Variants in NUS1 observed in about 807,000 individuals in gnomAD.
NUS1 encodes dehydrodolichyl diphosphate synthase complex subunit NUS1.
For missense variants in NUS1, 292 were observed against 382.9 expected (o/e 0.76, Z 1.98); for synonymous variants, 135 against 155.2 (o/e 0.87, Z 0.97).
intron 3 of NUS1, among the ~76,000 whole-genome samples, chr6:117,700,393 T>C (rs902334410): frequency 6.6e-6 from 1 of 152,226 alleles, no homozygotes; most frequent in Non-Finnish European, 1.5e-5. Flanking sequence ...GCAAAGATGC[T>C]CAATATCACT....
At chr6:117,697,593 T>C (rs1195171722) in intron 3 of NUS1, among the ~76,000 whole-genome samples, 1 of 152,048 alleles carries the variant, frequency 6.6e-6, no homozygotes, top group Admixed American at 6.5e-5. Context: ...GGGGTCATTT[T>C]AGCAAGAGGA....
rs1307653030 is a variant in NUS1, at chr6:117,687,998, T to C, written c.416-5044T>C. On this transcript the variant is annotated intron_variant, in intron 1 of 4. Transcript: ENST00000368494. ...TTGAGGCCCGAGGAGGAAGGATCACTTGAGGGCCAGGAGTTAGAGACCAGC... is the reference window on the plus strand; with the variant it reads ...TTGAGGCCCGAGGAGGAAGGATCACCTGAGGGCCAGGAGTTAGAGACCAGC... 2.0e-5 allele frequency among the ~76,000 whole-genome samples: 3 copies of C among 152,194 alleles called. No individual in the cohort carries two copies. In the East Asian group the frequency reaches 5.8e-4, roughly 29 times the overall value.
chr6:117,693,010 T>C (rs1162775486), intron 1 of NUS1, 32 bp from the exon 2 acceptor site: 1 of 1,568,160 alleles, frequency 6.4e-7, no homozygotes, highest in East Asian at 2.3e-5. Flanking sequence ...ATTAACCTAG[T>C]TGTGTTTTAC....
At chr6:117,698,685 C>G (rs573865503) in intron 3 of NUS1, among the ~76,000 whole-genome samples, 3 of 152,106 alleles carry the variant, frequency 2.0e-5, no homozygotes, top group African/African-American at 4.8e-5. Context: ...CTAGTATTAC[C>G]ATGTTACCCA....
At chr6:117,702,406 A>G (rs1391475422) in intron 3 of NUS1, among the ~76,000 whole-genome samples, 1 of 152,188 alleles carries the variant, frequency 6.6e-6, no homozygotes, top group Non-Finnish European at 1.5e-5. Flanking sequence ...TGGGGTGGGC[A>G]TTGGGAGCAG....
chr6:117,675,742 C>T lies in NUS1; in HGVS notation c.72C>T (p.Ser24=), dbSNP rs1582460992. Reference sequence around the variant, plus strand: ...TCTGTCTGCACCGCACGCTCACCTCCTGGCTCCGCGTTCGGTTCGGCACCT... The same window carrying T: ...TCTGTCTGCACCGCACGCTCACCTCTTGGCTCCGCGTTCGGTTCGGCACCT... ...ALLCLHRTLT[S]WLRVRFGTWN... The change falls in exon 1 of 5, where the codon TCC becomes TCT. Residue 24 remains serine, a synonymous_variant. Transcript: ENST00000368494. 2 of 1,545,882 alleles carry T rather than the reference C, an allele frequency of 1.3e-6. No individual in the cohort carries two copies. The highest frequency in any genetic ancestry group is 1.7e-6 in the Non-Finnish European group (2 of 1,149,774).
chr6:117,676,603 A>G (rs1772986197), intron 1 of NUS1, among the ~76,000 whole-genome samples: 1 of 152,000 alleles, frequency 6.6e-6, no homozygotes, highest in East Asian at 1.9e-4. Context: ...ATAAATAAAA[A>G]TAAATAAAAA....
chr6:117,704,321 A>G (rs551428355), intron 4 of NUS1, among the ~76,000 whole-genome samples: 9 of 152,230 alleles, frequency 5.9e-5, no homozygotes, highest in Non-Finnish European at 1.2e-4. Context: ...GGCCATAACT[A>G]TAATTTAAGG....
At chr6:117,688,868 G>GT (rs1011917718) in intron 1 of NUS1, among the ~76,000 whole-genome samples, 29 of 151,988 alleles carry the variant, frequency 1.9e-4, no homozygotes, top group African/African-American at 6.8e-4. Flanking sequence ...TAATTACTGA[G>GT]TTTTTTTGGC....
intron 3 of NUS1, among the ~76,000 whole-genome samples, chr6:117,696,117 A>G (rs559325344): frequency 1.3e-5 from 2 of 152,054 alleles, no homozygotes; most frequent in Non-Finnish European, 2.9e-5. Flanking sequence ...TCAAGCAGAA[A>G]TTCTGGAGTT....
At chr6:117,694,202 T>G in intron 3 of NUS1, 22 bp downstream of exon 3, 1 of 1,327,102 alleles carries the variant, frequency 7.5e-7, no homozygotes, top group Non-Finnish European at 1.0e-6. Context: ...TATATATATA[T>G]ACATATATAT....
intron 1 of NUS1, among the ~76,000 whole-genome samples, chr6:117,686,147 G>C (rs1448596629): frequency 6.8e-6 from 1 of 146,544 alleles, no homozygotes; most frequent in African/African-American, 2.5e-5. Flanking sequence ...TATAGTCCCA[G>C]CTACTCGAGA....
intron 3 of NUS1, among the ~76,000 whole-genome samples, chr6:117,700,430 C>G (rs528687177): frequency 3.9e-5 from 6 of 152,034 alleles, no homozygotes; most frequent in Non-Finnish European, 8.8e-5. Context: ...CAAATTAGAC[C>G]TACAATAACA....
rs1345323594 is a variant in NUS1 at position 117,708,651 on chromosome 6, T to TG, written c.*1636_*1637insG. ...ATTATACGTTGTACGACTTTTTTTT[T>TG]TTGTTTTAATTTATTACTGAGAGTT... On this transcript the variant is annotated 3_prime_UTR_variant, in exon 5 of 5. Transcript: ENST00000368494. 1 of 152,420 alleles carries TG rather than the reference T, an allele frequency of 6.6e-6. No homozygotes were observed. The highest frequency in any genetic ancestry group is 1.5e-5 in the Non-Finnish European group (1 of 67,934). The allele number at this position is 152,420 out of a possible 1,614,324, so 9.4% of individuals were successfully genotyped here.
intron 1 of NUS1, among the ~76,000 whole-genome samples, chr6:117,682,199 A>G (rs1773070985): frequency 6.6e-6 from 1 of 152,170 alleles, no homozygotes; most frequent in Non-Finnish European, 1.5e-5. Context: ...TTCCATCCCC[A>G]GTCTTACTCT....
chr6:117,688,462 T>A (rs375000279), intron 1 of NUS1, among the ~76,000 whole-genome samples: 7 of 141,048 alleles, frequency 5.0e-5, no homozygotes, highest in South Asian at 4.4e-4. Context: ...TTTTTTTTTT[T>A]AAATTATAAA....
chr6:117,694,733 T>C (rs1447805269), intron 3 of NUS1, among the ~76,000 whole-genome samples: 1 of 152,216 alleles, frequency 6.6e-6, no homozygotes, highest in Non-Finnish European at 1.5e-5. Context: ...CTCTAGGACC[T>C]TTTTGCCATA....
intron 1 of NUS1, among the ~76,000 whole-genome samples, chr6:117,676,354 G>C (rs1002650420): frequency 2.2e-4 from 34 of 152,332 alleles, no homozygotes; most frequent in African/African-American, 7.9e-4. Context: ...CGAGGCGGAC[G>C]GATCACCTGA....
chr6:117,686,852 A>T (rs200496875), intron 1 of NUS1, among the ~76,000 whole-genome samples: 1 of 139,400 alleles, frequency 7.2e-6, no homozygotes, highest in African/African-American at 2.8e-5. Flanking sequence ...TGAAGTGTGT[A>T]TGTGTGTGTG....
Sources: gnomAD v4.1 joint callset for allele counts (sites outside exome capture counted in the v4.1 genomes callset) on GRCh38, gnomAD v4.1.1 for gene constraint, MANE v1.5 for transcripts, NCBI Gene and HGNC (gene_info 2026-07-23, HGNC 2026-07-21) for gene names.